Variants in ADAM15 observed in about 807,000 individuals in gnomAD.
ADAM15 encodes the protein ADAM metallopeptidase domain 15.
ADAM15 carries 77 observed loss-of-function variants against 113.8 expected under a neutral mutation model. That is an observed-to-expected ratio of 0.68 (90% CI 0.56 to 0.82). The LOEUF is 0.82. Among genes scored for constraint, ADAM15 ranks in the 40% least tolerant of loss-of-function variants. The pLI is 0.00. For missense variants in ADAM15, 963 were observed against 1,120.1 expected, an observed-to-expected ratio of 0.86 and a Z score of 2.00; for synonymous variants, 388 against 454.1, an observed-to-expected ratio of 0.85 and a Z score of 1.85.
chr1:155,062,712 T>C lies in ADAM15; in HGVS notation c.*210T>C, dbSNP rs375398699. 4.7e-6 allele frequency: 3 copies of C among 642,098 alleles called. No individual in the cohort carries two copies. The highest frequency in any genetic ancestry group is 7.9e-6 in the Non-Finnish European group (3 of 378,642). The allele number at this position is 642,098 out of a possible 1,614,324, so 39.8% of individuals were successfully genotyped here. A position where few individuals can be genotyped will look rare whatever the true frequency, so the allele number is the denominator to read the frequency against. On this transcript the variant is annotated 3_prime_UTR_variant, in exon 23 of 23. Transcript: ENST00000356955. The surrounding 1 kb of genome is among the most constrained non-coding windows in gnomAD (Gnocchi z 7.0). ...GGGAGGGGCTGGGGGTTGGACGGGATTGAGGAAGGTCCGCACAGCCTGTCT... is the reference window on the plus strand; with the variant it reads ...GGGAGGGGCTGGGGGTTGGACGGGACTGAGGAAGGTCCGCACAGCCTGTCT...
At position 155,060,342 on chromosome 1, in the gene ADAM15, A is replaced by C. The variant is rs139427980; in HGVS notation, c.2206A>C (p.Arg736=). 215 of 1,613,562 alleles carry C rather than the reference A, an allele frequency of 1.3e-4. No individual in the cohort carries two copies. The African/African-American group carries it at 2.6e-3, about 19-fold the overall frequency. ...GCTCAAGGGACCCACCTGCCAGTAC[A>C]GGTATGAGCATCACCTCCCTGCTAC... is the stretch of plus-strand genomic sequence containing the variant. ...CQLKGPTCQY[R]AAQSGPSERP... is the part of the protein sequence containing the mutation. Residue 736 remains arginine, a splice_region_variant and synonymous_variant, in exon 18 of 23, where the codon AGG becomes CGG. Transcript: ENST00000356955.
chr1:155,052,867 C>T (rs1042712398), intron 2 of ADAM15, 90 bp downstream of exon 2: 26 of 1,495,240 alleles, frequency 1.7e-5, no homozygotes, highest in Non-Finnish European at 2.2e-5. Flanking sequence ...GGCTGAGGAG[C>T]TGGTGGGTAG....
chr1:155,054,211 C>G lies in ADAM15; in HGVS notation c.404C>G (p.Thr135Ser). The part of the protein sequence containing the change: ...GYAGSWVSIC[T>S]CSGLRGLVVL... The stretch of plus-strand genomic sequence containing the variant: ...GCAGGCTCCTGGGTGTCCATCTGCA[C>G]CTGCTCTGGGCTCAGGTATACTGGG... Residue 135 changes from threonine to serine, a missense_variant, in exon 5 of 23, where the codon ACC becomes AGC. Thr to Ser is a moderately conservative substitution (Grantham distance 58). Coordinates refer to ENST00000356955, the MANE Select transcript of ADAM15 (RefSeq NM_207197.3). 6.2e-7 allele frequency: 1 copy of G among 1,605,630 alleles called. No homozygotes were observed. The highest frequency in any genetic ancestry group is 8.5e-7 in the Non-Finnish European group (1 of 1,177,574).
chr1:155,061,889 C>CCT lies in ADAM15; in HGVS notation c.2353-8_2353-7dup. 1 of 1,512,244 alleles carries CCT rather than the reference C, an allele frequency of 6.6e-7. No homozygotes were observed. The highest frequency in any genetic ancestry group is 8.9e-7 in the Non-Finnish European group (1 of 1,127,780). The allele number at this position is 1,512,244 out of a possible 1,614,324, so 93.7% of individuals were successfully genotyped here. A position where few individuals can be genotyped will look rare whatever the true frequency, so the allele number is the denominator to read the frequency against. ...TGGTTATGCTCTCACAGCCACTGCC[C>CCT]CTCTCTCTGTTCAGGCTGAGCTGGC... On this transcript the variant is annotated splice_polypyrimidine_tract_variant and intron_variant, in intron 20 of 22. Coordinates refer to ENST00000356955, the MANE Select transcript of ADAM15 (RefSeq NM_207197.3).
intron 17 of ADAM15, 104 bp from the exon 18 acceptor site, chr1:155,060,101 C>T: frequency 6.4e-7 from 1 of 1,570,620 alleles, no homozygotes; most frequent in Non-Finnish European, 8.7e-7. Flanking sequence ...CCCCTTGAAC[C>T]CTTCACTCTC....
chr1:155,056,325 GC>G lies in ADAM15; in HGVS notation c.915-57del. ...CACACCCCTTCAGCACCCTACCTCA[GC>G]CCCTGAAGCTCTGACCACCGTGGCT... On this transcript the variant is annotated intron_variant, in intron 9 of 22. Transcript: ENST00000356955. This position sits in a 1 kb window ranked among gnomAD's most constrained non-coding sequence, Gnocchi z 4.0. 1 of 1,611,260 alleles carries G rather than the reference GC, an allele frequency of 6.2e-7. No individual in the cohort carries two copies. The highest frequency in any genetic ancestry group is 1.1e-5 in the South Asian group (1 of 90,908).
At chr1:155,061,558 A>C in intron 20 of ADAM15, 69 bp downstream of exon 20, 2 of 1,494,384 alleles carry the variant, frequency 1.3e-6, no homozygotes, top group Non-Finnish European at 9.2e-7. Flanking sequence ...TGCAGTTCTC[A>C]TCCCTGCTCC....
Position 155,062,647 on chromosome 1 carries a change from C to A in ADAM15, c.*145C>A. On this transcript the variant is annotated 3_prime_UTR_variant, in exon 23 of 23. Transcript: ENST00000356955. The surrounding 1 kb of genome is among the most constrained non-coding windows in gnomAD (Gnocchi z 7.0). ...GGCACCGCCACGCGCTGTCAAGCAA[C>A]ACTCTGCGGACCTGCCGGCGTAGTT... is the stretch of plus-strand genomic sequence containing the variant. 1 of 1,184,900 alleles carries A rather than the reference C, an allele frequency of 8.4e-7. No individual in the cohort carries two copies. Among genetic ancestry groups the A allele is most frequent in the Non-Finnish European group, 1.2e-6 (1 of 849,666 alleles). 73.4% of individuals were successfully genotyped at this position (1,184,900 alleles called of 1,614,324 possible).
intron 2 of ADAM15, 21 bp from the exon 3 acceptor site, chr1:155,053,396 C>A: frequency 6.2e-7 from 1 of 1,613,180 alleles, no homozygotes; most frequent in Non-Finnish European, 8.5e-7. Context: ...AGGGAGGTGA[C>A]CTGCCCTCTG....
rs146141248 is a variant in ADAM15, at chr1:155,061,446, C to G, written c.2309C>G (p.Pro770Arg). The change falls in exon 20 of 23, where the codon CCT becomes CGT. Residue 770 changes from proline (P) to arginine (R), a missense_variant. Physicochemically the swap from Pro to Arg is moderately radical, Grantham distance 103. Transcript: ENST00000356955. ...QASALSFPAP[P>R]SRPLPPDPVS... ...AGTGCTCTCAGCTTCCCGGCCCCCCCTTCCAGGCCGCTGCCGCCTGACCCT... is the reference window on the plus strand; with the variant it reads ...AGTGCTCTCAGCTTCCCGGCCCCCCGTTCCAGGCCGCTGCCGCCTGACCCT... 8.1e-6 allele frequency: 13 copies of G among 1,613,860 alleles called. No individual in the cohort carries two copies. The highest frequency in any genetic ancestry group is 1.7e-5 in the Admixed American group (1 of 60,000).
rs1274583923 is a variant in ADAM15 at position 155,058,755 on chromosome 1, C to T, written c.1963C>T (p.Gln655Ter). 2 of 1,613,028 alleles carry T rather than the reference C, an allele frequency of 1.2e-6. No individual in the cohort carries two copies. Among genetic ancestry groups the T allele is most frequent in the Non-Finnish European group, 1.7e-6 (2 of 1,179,646 alleles). Residue 655 changes from glutamine to a stop codon, truncating the protein, a stop_gained, in exon 16 of 23, where the codon CAG becomes TAG. Transcript: ENST00000356955. LOFTEE classifies it high-confidence loss of function. This position sits in a 1 kb window ranked among gnomAD's most constrained non-coding sequence, Gnocchi z 4.3. Reference protein sequence around the residue: ...RCQRVDLLGAQECRSKCHGHG... With the variant: ...RCQRVDLLGA ...CCAGCGTGTGGATCTCCTGGGGGCACAGGAATGTCGAAGCAAATGCCATGG... is the reference window on the plus strand; with the variant it reads ...CCAGCGTGTGGATCTCCTGGGGGCATAGGAATGTCGAAGCAAATGCCATGG...
rs1662063639 is a variant in ADAM15, at chr1:155,058,227, C to T, written c.1722-19C>T. ...GCCCTGCTCCTACTAACTCTGTGTG[C>T]CCTTCCCCCTCCCCACAGAGATGCC... On this transcript the variant is annotated intron_variant, in intron 14 of 22. Coordinates refer to ENST00000356955, the MANE Select transcript of ADAM15 (RefSeq NM_207197.3). The surrounding 1 kb of genome is among the most constrained non-coding windows in gnomAD (Gnocchi z 4.3). The T allele has an allele frequency of 6.2e-7, 1 of 1,613,836 alleles. No individual in the cohort carries two copies. The highest frequency in any genetic ancestry group is 8.5e-7 in the Non-Finnish European group (1 of 1,179,906).
In ADAM15 at chr1:155,055,788, A is replaced by G. The variant is rs550016983; in HGVS notation, c.613-2A>G. ...CCTGATAATTCTTCTTGTCCATAGT[A>G]GAGGCGGGATGTGGTAACAGAGACC... On this transcript the variant is annotated splice_acceptor_variant, in intron 6 of 22. Transcript: ENST00000356955. LOFTEE classifies it high-confidence loss of function. 5 of 1,614,126 alleles carry G rather than the reference A, an allele frequency of 3.1e-6. No homozygotes were observed. The East Asian group carries it at 6.7e-5, about 22-fold the overall frequency.
In ADAM15 at chr1:155,062,618, T is replaced by G. The variant is rs1662808991; in HGVS notation, c.*116T>G. 7.2e-7 allele frequency: 1 copy of G among 1,395,524 alleles called. No individual in the cohort carries two copies. The highest frequency in any genetic ancestry group is 2.1e-5 in the Admixed American group (1 of 46,554). 86.4% of individuals were successfully genotyped at this position (1,395,524 alleles called of 1,614,324 possible). A position where few individuals can be genotyped will look rare whatever the true frequency, so the allele number is the denominator to read the frequency against. On this transcript the variant is annotated 3_prime_UTR_variant, in exon 23 of 23. Coordinates refer to ENST00000356955, the MANE Select transcript of ADAM15 (RefSeq NM_207197.3). The surrounding 1 kb of genome is among the most constrained non-coding windows in gnomAD (Gnocchi z 7.0). ...CCAGAGACTGGCGGTGTCTTAAGAC[T>G]CCGGGCACCGCCACGCGCTGTCAAG...
At chr1:155,061,624 C>T in intron 20 of ADAM15, 135 bp downstream of exon 20, 1 of 1,008,786 alleles carries the variant, frequency 9.9e-7, no homozygotes. Flanking sequence ...TTCAGACACT[C>T]TGAGCCCCAG....
rs1661464574 is a variant in ADAM15, at chr1:155,054,196, G to C, written c.389G>C (p.Trp130Ser). ...QGRVRGYAGS[W>S]VSICTCSGLR... ...AGAGTGCGGGGATATGCAGGCTCCT[G>C]GGTGTCCATCTGCACCTGCTCTGGG... The change falls in exon 5 of 23, where the codon TGG becomes TCG. Residue 130 changes from tryptophan to serine, a missense_variant. By Grantham distance (177) the Trp-to-Ser change is radical. Coordinates refer to ENST00000356955, the MANE Select transcript of ADAM15 (RefSeq NM_207197.3). 3 of 1,609,090 alleles carry C rather than the reference G, an allele frequency of 1.9e-6. No individual in the cohort carries two copies. The highest frequency in any genetic ancestry group is 1.3e-5 in the African/African-American group (1 of 74,454).
In ADAM15 at chr1:155,051,460, A is replaced by G; in HGVS notation, c.74A>G (p.Asn25Ser). The change falls in exon 1 of 23, where the codon AAT becomes AGT. Residue 25 changes from asparagine to serine, a missense_variant. Physicochemically the swap from Asn to Ser is conservative, Grantham distance 46. Coordinates refer to ENST00000356955, the MANE Select transcript of ADAM15 (RefSeq NM_207197.3). ...CCTCTGCCTTCCTGGCCGCTCCCAA[A>G]TATAGGTGAGTCCTCCGCCTGGAGT... ...GSPLPSWPLPNIGGTEEQQAE... is the reference protein window; with the variant it reads ...GSPLPSWPLPSIGGTEEQQAE... 2 of 1,565,934 alleles carry G rather than the reference A, an allele frequency of 1.3e-6. No individual in the cohort carries two copies. Among genetic ancestry groups the G allele is most frequent in the Non-Finnish European group, 1.7e-6 (2 of 1,160,670 alleles).
Position 155,060,240 on chromosome 1 carries a change from C to T in ADAM15, c.2104C>T (p.Leu702Phe), listed in dbSNP as rs771014030. The change falls in exon 18 of 23, where the codon CTC becomes TTC. Residue 702 changes from leucine to phenylalanine, a missense_variant. Leu to Phe is a conservative substitution (Grantham distance 22). Coordinates refer to ENST00000356955, the MANE Select transcript of ADAM15 (RefSeq NM_207197.3). ...SSLTTGLLLSLLVLLVLVMLG... is the reference protein window; with the variant it reads ...SSLTTGLLLSFLVLLVLVMLG... Reference sequence around the variant, plus strand: ...CCTGACCACAGGGCTGCTCCTCAGCCTCCTGGTCTTATTGGTCCTGGTGAT... The same window carrying T: ...CCTGACCACAGGGCTGCTCCTCAGCTTCCTGGTCTTATTGGTCCTGGTGAT... 1 of 1,614,162 alleles carries T rather than the reference C, an allele frequency of 6.2e-7. No homozygotes were observed. Among genetic ancestry groups the T allele is most frequent in the African/African-American group, 1.3e-5 (1 of 75,042 alleles).
chr1:155,056,918 G>A lies in ADAM15; in HGVS notation c.1000-35G>A, dbSNP rs1401952690. On this transcript the variant is annotated intron_variant, in intron 10 of 22. Transcript: ENST00000356955. This position sits in a 1 kb window ranked among gnomAD's most constrained non-coding sequence, Gnocchi z 4.0. ...CTGGGCATTGTGGTGGAGGCAGGCT[G>A]GGACTGGACCTACAGTACCCCTCCC... The A allele has an allele frequency of 4.7e-5, 71 of 1,526,378 alleles. No individual in the cohort carries two copies. The highest frequency in any genetic ancestry group is 6.3e-5 in the Non-Finnish European group (71 of 1,135,650). The allele number at this position is 1,526,378 out of a possible 1,614,324, so 94.6% of individuals were successfully genotyped here. A position where few individuals can be genotyped will look rare whatever the true frequency, so the allele number is the denominator to read the frequency against.
Sources: gnomAD v4.1 joint callset for allele counts on GRCh38, gnomAD v4.1.1 for gene constraint, Gnocchi (gnomAD v3.1) non-coding constraint, MANE v1.5 for transcripts, NCBI Gene and HGNC (gene_info 2026-07-23, HGNC 2026-07-21) for gene names.